ITPR2: variants seen among roughly 807,000 people sequenced by gnomAD.
The protein encoded by ITPR2 is inositol 1,4,5-trisphosphate-gated calcium channel ITPR2.
A neutral mutation model predicts 317.1 loss-of-function variants in ITPR2; 207 were observed. The ratio of observed to expected loss-of-function variants is 0.65; its 90% CI spans 0.58 to 0.73. The LOEUF is 0.73. ITPR2 is among the 30% of genes least tolerant of loss of function. The probability of loss-of-function intolerance (pLI) is 0.00; values close to 1 mark genes in which losing one functional copy is unlikely to be tolerated. For missense variants in ITPR2, 2,613 were observed against 3,284.0 expected (o/e 0.80, Z 4.99); for synonymous variants, 1,156 against 1,149.1 (o/e 1.01, Z -0.12).
At chr12:26,348,833 A>T (rs113622287) in intron 55 of ITPR2, among the ~76,000 whole-genome samples, 1 of 151,982 alleles carries the variant, frequency 6.6e-6, no homozygotes, top group Non-Finnish European at 1.5e-5. Context: ...ACTAAAAATT[A>T]AAAAATTAAC....
intron 45 of ITPR2, among the ~76,000 whole-genome samples, chr12:26,453,346 A>G (rs1941787476): frequency 6.6e-6 from 1 of 152,334 alleles, no homozygotes; most frequent in Admixed American, 6.5e-5. Context: ...CTTATCTGAA[A>G]TCAGTATTTC....
At chr12:26,599,447 T>C (rs985818439) in intron 29 of ITPR2, 102 bp from the exon 30 acceptor site, 10 of 1,038,552 alleles carry the variant, frequency 9.6e-6, no homozygotes, top group Non-Finnish European at 1.4e-5. Context: ...TTATATTTTA[T>C]ACGAAGCCAC....
intron 2 of ITPR2, among the ~76,000 whole-genome samples, chr12:26,782,116 C>T (rs1950107903): frequency 7.0e-6 from 1 of 143,852 alleles, no homozygotes; most frequent in South Asian, 2.2e-4. Flanking sequence ...ATGTATATAA[C>T]ATAAACTCTC....
intron 39 of ITPR2, among the ~76,000 whole-genome samples, chr12:26,491,605 G>A (rs1485246349): frequency 6.6e-6 from 1 of 151,368 alleles, no homozygotes; most frequent in African/African-American, 2.4e-5. Flanking sequence ...TCTAGGAAAA[G>A]ATAAGGAGAA....
chr12:26,730,351 T>G (rs2137060061), intron 2 of ITPR2, among the ~76,000 whole-genome samples: 1 of 152,300 alleles, frequency 6.6e-6, no homozygotes, highest in East Asian at 1.9e-4. Context: ...GCTTCTAAAC[T>G]CTCTAGTATT....
At chr12:26,778,255 G>A (rs1413094353) in intron 2 of ITPR2, among the ~76,000 whole-genome samples, 1 of 152,150 alleles carries the variant, frequency 6.6e-6, no homozygotes, top group African/African-American at 2.4e-5. Context: ...AAACAATATT[G>A]CAACCCTGGA....
chr12:26,721,292 A>T, intron 5 of ITPR2: 2 of 610,042 alleles, frequency 3.3e-6, no homozygotes, highest in Non-Finnish European at 6.1e-6. Flanking sequence ...TTACCAAAGG[A>T]AGATATCACC....
intron 34 of ITPR2, 73 bp from the exon 35 acceptor site, chr12:26,562,025 TATAAAC>T: frequency 1.9e-6 from 2 of 1,038,402 alleles, no homozygotes; most frequent in Non-Finnish European, 2.6e-6. Flanking sequence ...CATACAATCT[TATAAAC>T]ATAAAAGAAA....
intron 45 of ITPR2, among the ~76,000 whole-genome samples, chr12:26,458,374 G>A (rs116153290): frequency 0.012 from 1,780 of 152,190 alleles, 39 homozygotes; most frequent in African/African-American, 0.041. Flanking sequence ...GGCTGCTGAC[G>A]ACATCAAGAC....
At chr12:26,489,900 G>A (rs1942759176) in intron 39 of ITPR2, among the ~76,000 whole-genome samples, 1 of 152,176 alleles carries the variant, frequency 6.6e-6, no homozygotes, top group South Asian at 2.1e-4. Flanking sequence ...ACTGGCAAGT[G>A]TCTTGGGGAG....
intron 47 of ITPR2, 128 bp downstream of exon 47, chr12:26,438,999 T>C (rs1022174367): frequency 1.6e-6 from 1 of 628,596 alleles, no homozygotes; most frequent in Non-Finnish European, 2.7e-6. Context: ...AGACTGCAAG[T>C]GATTTCAGTA....
chr12:26,670,326 C>T (rs1947735581), intron 13 of ITPR2, among the ~76,000 whole-genome samples: 3 of 152,142 alleles, frequency 2.0e-5, no homozygotes. Context: ...ACACTTCACA[C>T]GGCCGGGTAC....
chr12:26,833,060 T>G lies in ITPR2; in HGVS notation c.-279A>C. On this transcript the variant is annotated 5_prime_UTR_variant, in exon 1 of 57. Coordinates refer to ENST00000381340, the MANE Select transcript of ITPR2 (RefSeq NM_002223.4). ...AGCCGCCGCCGCCTCCCCGGCAGGT[T>G]TCCTGTTCCTTTCTGAAGTTTTCTC... 1 of 425,850 alleles carries G rather than the reference T, an allele frequency of 2.3e-6. No homozygotes were observed. Among genetic ancestry groups the G allele is most frequent in the Non-Finnish European group, 4.1e-6 (1 of 242,322 alleles). 26.4% of individuals were successfully genotyped at this position (425,850 alleles called of 1,614,324 possible).
At chr12:26,813,898 G>T (rs1201412578) in intron 1 of ITPR2, among the ~76,000 whole-genome samples, 1 of 152,138 alleles carries the variant, frequency 6.6e-6, no homozygotes, top group Non-Finnish European at 1.5e-5. Flanking sequence ...GAAGGTAAAG[G>T]GGTGATTTTA....
Position 26,605,126 on chromosome 12 carries a change from A to AAATATAT in ITPR2, c.3463-2421_3463-2420insATATATT, listed in dbSNP as rs1555165395. Among the ~76,000 whole-genome samples, 3 of 136,324 alleles carry AAATATAT rather than the reference A, an allele frequency of 2.2e-5. No individual in the cohort carries two copies. In the East Asian group the frequency reaches 6.0e-4, roughly 27 times the overall value. The allele number at this position is 136,324 out of a possible 152,430, so 89.4% of individuals were successfully genotyped here. A position where few individuals can be genotyped will look rare whatever the true frequency, so the allele number is the denominator to read the frequency against. Reference sequence around the variant, plus strand: ...ATAAAAATAAAAAATAAAAAATAAAAATATATATATATATATGAGAAAGTG... The same window carrying AAATATAT: ...ATAAAAATAAAAAATAAAAAATAAAAAATATATATATATATATATATATGAGAAAGTG... On this transcript the variant is annotated intron_variant, in intron 26 of 56. Transcript: ENST00000381340.
chr12:26,401,448 A>G (rs972321118), intron 52 of ITPR2, among the ~76,000 whole-genome samples: 8 of 152,344 alleles, frequency 5.3e-5, no homozygotes, highest in African/African-American at 1.4e-4. Context: ...AGAAAAAGAC[A>G]TAATGTGACA....
At chr12:26,778,181 T>C (rs188251848) in intron 2 of ITPR2, among the ~76,000 whole-genome samples, 2 of 152,270 alleles carry the variant, frequency 1.3e-5, no homozygotes, top group Non-Finnish European at 1.5e-5. Flanking sequence ...TGAGGACTAC[T>C]GTGGTGGGAA....
At chr12:26,810,140 TGAA>T (rs775051202) in intron 1 of ITPR2, among the ~76,000 whole-genome samples, 1 of 152,234 alleles carries the variant, frequency 6.6e-6, no homozygotes, top group Non-Finnish European at 1.5e-5. Context: ...TTGTCTAGTC[TGAA>T]GAAGGTCTGT....
intron 51 of ITPR2, among the ~76,000 whole-genome samples, chr12:26,415,086 G>A (rs917808324): frequency 3.9e-5 from 6 of 152,022 alleles, no homozygotes; most frequent in Non-Finnish European, 7.4e-5. Context: ...AGCTGGGATG[G>A]TGTTTCTCAT....
Sources: gnomAD v4.1 joint callset for allele counts (sites outside exome capture counted in the v4.1 genomes callset) on GRCh38, gnomAD v4.1.1 for gene constraint, MANE v1.5 for transcripts, NCBI Gene and HGNC (gene_info 2026-07-23, HGNC 2026-07-21) for gene names.